Variants in PDE10A observed in about 807,000 individuals in gnomAD.
PDE10A encodes phosphodiesterase 10A.
In PDE10A, 39 loss-of-function variants were observed where a neutral mutation model predicts 97.7. The observed-to-expected ratio is 0.40, with a 90% CI of 0.31 to 0.52. The LOEUF is 0.52. Ranked by LOEUF, PDE10A falls within the 20% of genes least tolerant of loss-of-function variation. The pLI is 0.56. For missense variants in PDE10A, 731 were observed against 1,047.8 expected, an observed-to-expected ratio of 0.70 and a Z score of 4.17; for synonymous variants, 371 against 376.8, an observed-to-expected ratio of 0.98 and a Z score of 0.18.
At chr6:165,600,265 T>C (rs1207417899) in intron 1 of PDE10A, among the ~76,000 whole-genome samples, 1 of 152,130 alleles carries the variant, frequency 6.6e-6, no homozygotes, top group Non-Finnish European at 1.5e-5. Flanking sequence ...CTGCAGCCCT[T>C]CCAAGATGCT....
intron 4 of PDE10A, among the ~76,000 whole-genome samples, chr6:165,449,934 T>G (rs1259627364): frequency 1.3e-5 from 2 of 152,172 alleles, no homozygotes; most frequent in Admixed American, 6.5e-5. Context: ...AATTAATATA[T>G]TTTATAAAGA....
At chr6:165,818,861 G>C (rs998540214) in intron 1 of PDE10A, among the ~76,000 whole-genome samples, 4 of 152,210 alleles carry the variant, frequency 2.6e-5, no homozygotes, top group African/African-American at 7.2e-5. Flanking sequence ...AGCTGTGTTA[G>C]ACAGTACACA....
intron 13 of PDE10A, among the ~76,000 whole-genome samples, chr6:165,412,367 T>A (rs1787930385): frequency 6.6e-6 from 1 of 152,138 alleles, no homozygotes; most frequent in African/African-American, 2.4e-5. Flanking sequence ...TTGGCTACAT[T>A]TAAAAATGAT....
chr6:165,809,460 C>T (rs1202212529), intron 1 of PDE10A, among the ~76,000 whole-genome samples: 1 of 152,176 alleles, frequency 6.6e-6, no homozygotes, highest in Non-Finnish European at 1.5e-5. Flanking sequence ...TGCTTTGGAG[C>T]CCTGTGCTGT....
intron 1 of PDE10A, among the ~76,000 whole-genome samples, chr6:165,618,411 G>A (rs532736230): frequency 6.0e-4 from 92 of 152,222 alleles, no homozygotes; most frequent in African/African-American, 2.1e-3. Flanking sequence ...TCATGAAAGA[G>A]GCATTTGGGA....
chr6:165,546,458 G>C (rs897165208), intron 1 of PDE10A, among the ~76,000 whole-genome samples: 8 of 152,054 alleles, frequency 5.3e-5, no homozygotes, highest in African/African-American at 1.7e-4. Flanking sequence ...TCTCAGGATG[G>C]AAAGCATAAT....
rs190533494 is a variant in PDE10A at position 165,622,582 on chromosome 6, G to A, written c.865+39365C>T. On this transcript the variant is annotated intron_variant, in intron 1 of 21. Transcript: ENST00000539869. ...TAAAAATATGGTATTATAATCTTAT[G>A]TGACCACCATCATATATGTGGGTCT... 5.8e-4 allele frequency among the ~76,000 whole-genome samples: 88 copies of A among 152,250 alleles called. 1 individual carries two copies. The highest frequency in any genetic ancestry group is 2.1e-3 in the African/African-American group (87 of 41,540).
At chr6:165,815,521 A>G (rs2128468053) in intron 1 of PDE10A, among the ~76,000 whole-genome samples, 1 of 152,296 alleles carries the variant, frequency 6.6e-6, no homozygotes, top group South Asian at 2.1e-4. Context: ...TTACCTGAAT[A>G]CCACCCAAGG....
At chr6:165,481,685 A>C (rs1292999414) in intron 3 of PDE10A, among the ~76,000 whole-genome samples, 1 of 152,232 alleles carries the variant, frequency 6.6e-6, no homozygotes, top group African/African-American at 2.4e-5. Flanking sequence ...TAGCATAACC[A>C]GTATACTAAA....
At position 165,980,482 on chromosome 6, in the gene PDE10A, C is replaced by T. The variant is rs147662015; in HGVS notation, c.-615+7047G>A. Among the ~76,000 whole-genome samples, 91 of 152,218 alleles carry T rather than the reference C, an allele frequency of 6.0e-4. 4 individuals are homozygous for T. The highest frequency in any genetic ancestry group is 1.2e-4 in the African/African-American group (5 of 41,498). On this transcript the variant is annotated intron_variant, in intron 1 of 19. Transcript: ENST00000366882. ...AAATCAATTATGGCACATTGTACCA[C>T]GGAATATTATACAGGCAATGAAGGT...
chr6:165,741,748 G>C (rs1001175874), intron 1 of PDE10A, among the ~76,000 whole-genome samples: 1 of 152,102 alleles, frequency 6.6e-6, no homozygotes, highest in Non-Finnish European at 1.5e-5. Flanking sequence ...TATTGAGAGG[G>C]AGAGAAAGAA....
intron 2 of PDE10A, among the ~76,000 whole-genome samples, chr6:165,507,464 C>G (rs148992652): frequency 6.6e-6 from 1 of 152,048 alleles, no homozygotes; most frequent in South Asian, 2.1e-4. Context: ...CTTCATGAGA[C>G]TCCTACTATC....
intron 13 of PDE10A, among the ~76,000 whole-genome samples, chr6:165,406,228 A>ATGTGTGTGTTTGTGTGTG (rs1554256589): frequency 1.6e-4 from 22 of 140,512 alleles, no homozygotes; most frequent in East Asian, 8.1e-4. Flanking sequence ...AGGGAAAAGG[A>ATGTGTGTGTTTGTGTGTG]TGTGTGTGTG....
rs117386566 is a variant in PDE10A at position 165,931,859 on chromosome 6, A to G, written c.-615+55670T>C. On this transcript the variant is annotated intron_variant, in intron 1 of 19. Transcript: ENST00000366882. ...CGCCCTCCTGCTACACCCAGAGGAA[A>G]AAGCTCCAGGAGGTTGTTGAGAAGC... 8.0e-3 allele frequency among the ~76,000 whole-genome samples: 1,213 copies of G among 152,274 alleles called. 10 individuals carry two copies. The highest frequency in any genetic ancestry group is 0.012 in the Non-Finnish European group (837 of 68,008).
intron 1 of PDE10A, among the ~76,000 whole-genome samples, chr6:165,930,391 A>G (rs1005142969): frequency 6.6e-6 from 1 of 152,110 alleles, no homozygotes; most frequent in Non-Finnish European, 1.5e-5. Flanking sequence ...CAGGAAGGAA[A>G]CACTTGAATT....
chr6:165,558,032 C>T (rs1784345045), intron 1 of PDE10A, among the ~76,000 whole-genome samples: 1 of 152,122 alleles, frequency 6.6e-6, no homozygotes, highest in African/African-American at 2.4e-5. Context: ...ATATGCCTAA[C>T]CTATGGAGCG....
At chr6:165,573,245 A>G (rs577618) in intron 1 of PDE10A, among the ~76,000 whole-genome samples, 139,271 of 151,260 alleles carry the variant, frequency 0.92, 64,610 homozygotes, top group Non-Finnish European at 0.98. Context: ...TATGATGACA[A>G]TTTGGCCGTA....
chr6:165,876,722 C>T (rs551355620), intron 1 of PDE10A, among the ~76,000 whole-genome samples: 10 of 152,290 alleles, frequency 6.6e-5, no homozygotes, highest in Non-Finnish European at 8.8e-5. Context: ...GCCAAGCCTC[C>T]GTGCGTCACG....
At chr6:165,470,068 G>A (rs1045424977) in intron 3 of PDE10A, among the ~76,000 whole-genome samples, 3 of 152,146 alleles carry the variant, frequency 2.0e-5, no homozygotes, top group African/African-American at 7.2e-5. Flanking sequence ...AGGAATACCT[G>A]AGGCTACGTA....
Sources: gnomAD v4.1 joint callset for allele counts (sites outside exome capture counted in the v4.1 genomes callset) on GRCh38, gnomAD v4.1.1 for gene constraint, MANE v1.5 for transcripts, NCBI Gene and HGNC (gene_info 2026-07-23, HGNC 2026-07-21) for gene names.